The following SNTB1 variants were observed in gnomAD, a reference collection of about 807,000 sequenced individuals.
SNTB1 encodes beta-1-syntrophin.
In SNTB1, 36 loss-of-function variants were observed where a neutral mutation model predicts 48.9. The ratio of observed to expected loss-of-function variants is 0.74; its 90% CI spans 0.56 to 0.97. The LOEUF (loss-of-function observed/expected upper bound fraction) is 0.97. SNTB1 is among the 50% of genes least tolerant of loss of function. The probability of loss-of-function intolerance (pLI) is 0.00; values close to 1 mark genes in which losing one functional copy is unlikely to be tolerated. For missense variants in SNTB1, 786 were observed against 703.4 expected (o/e 1.12, Z -1.33); for synonymous variants, 299 against 294.6 (o/e 1.01, Z -0.15).
intron 1 of SNTB1, among the ~76,000 whole-genome samples, chr8:120,744,912 T>C (rs1158191271): frequency 6.6e-6 from 1 of 152,216 alleles, no homozygotes; most frequent in African/African-American, 2.4e-5. Flanking sequence ...TTCCACAGCT[T>C]TCTTTTATTA....
chr8:120,600,959 G>T (rs534081806), intron 3 of SNTB1, among the ~76,000 whole-genome samples: 4 of 152,170 alleles, frequency 2.6e-5, no homozygotes, highest in South Asian at 4.1e-4. Context: ...AGACTCTGAT[G>T]GGAAGGAAAA....
intron 2 of SNTB1, among the ~76,000 whole-genome samples, chr8:120,668,024 C>T (rs1434992243): frequency 6.6e-6 from 1 of 152,106 alleles, no homozygotes; most frequent in Non-Finnish European, 1.5e-5. Context: ...GTAGTCTCCT[C>T]ATACACATAC....
chr8:120,576,977 C>G (rs1451775236), intron 3 of SNTB1, among the ~76,000 whole-genome samples: 1 of 152,168 alleles, frequency 6.6e-6, no homozygotes, highest in African/African-American at 2.4e-5. Context: ...CTCAGTAAAA[C>G]ACAGGATGGG....
intron 3 of SNTB1, 75 bp downstream of exon 3, chr8:120,632,369 G>T: frequency 7.6e-7 from 1 of 1,319,566 alleles, no homozygotes. Context: ...TATGGGATGA[G>T]ATAGTTTTAG....
At chr8:120,611,706 C>T (rs1816626171) in intron 3 of SNTB1, among the ~76,000 whole-genome samples, 1 of 151,462 alleles carries the variant, frequency 6.6e-6, no homozygotes, top group Non-Finnish European at 1.5e-5. Flanking sequence ...CCTGTAGTCC[C>T]AGCTACTCGG....
intron 1 of SNTB1, among the ~76,000 whole-genome samples, chr8:120,702,708 A>C (rs1171375773): frequency 6.6e-6 from 1 of 152,204 alleles, no homozygotes; most frequent in Admixed American, 6.5e-5. Flanking sequence ...ATTTATATGC[A>C]ATTGTTTGCA....
intron 2 of SNTB1, among the ~76,000 whole-genome samples, chr8:120,653,469 C>A (rs374241714): frequency 1.1e-4 from 17 of 152,220 alleles, no homozygotes; most frequent in African/African-American, 3.4e-4. Context: ...AAGAAACCAA[C>A]CCTGCTGACA....
At chr8:120,647,815 G>T (rs1587060968) in intron 2 of SNTB1, among the ~76,000 whole-genome samples, 1 of 25,298 alleles carries the variant, frequency 4.0e-5, no homozygotes, top group African/African-American at 1.7e-4. Context: ...CTCTTTGTAG[G>T]TCACTCAGGA....
At chr8:120,580,985 A>G (rs1816038592) in intron 3 of SNTB1, among the ~76,000 whole-genome samples, 1 of 150,894 alleles carries the variant, frequency 6.6e-6, no homozygotes, top group African/African-American at 2.4e-5. Flanking sequence ...GCTACTTGAG[A>G]GGCTGAGGCC....
intron 1 of SNTB1, among the ~76,000 whole-genome samples, chr8:120,705,473 T>C (rs1242339186): frequency 1.3e-5 from 2 of 152,232 alleles, no homozygotes; most frequent in Admixed American, 6.5e-5. Context: ...AATACAGCCA[T>C]GATCAGTGAA....
At chr8:120,557,385 A>T (rs1397367036) in intron 4 of SNTB1, among the ~76,000 whole-genome samples, 1 of 152,226 alleles carries the variant, frequency 6.6e-6, no homozygotes, top group Admixed American at 6.5e-5. Flanking sequence ...TTGGAAGCCA[A>T]GATGAAGTAA....
At chr8:120,808,384 G>C (rs1306420015) in intron 1 of SNTB1, among the ~76,000 whole-genome samples, 2 of 152,096 alleles carry the variant, frequency 1.3e-5, no homozygotes, top group African/African-American at 2.4e-5. Flanking sequence ...TCTTTCTCCA[G>C]GTTCTGTTTA....
intron 1 of SNTB1, among the ~76,000 whole-genome samples, chr8:120,804,451 T>G (rs972369682): frequency 6.6e-6 from 1 of 152,156 alleles, no homozygotes; most frequent in Non-Finnish European, 1.5e-5. Flanking sequence ...AGCCATGCCT[T>G]ATACCGCTTT....
At chr8:120,757,974 G>A (rs558585233) in intron 1 of SNTB1, among the ~76,000 whole-genome samples, 4 of 152,236 alleles carry the variant, frequency 2.6e-5, no homozygotes, top group Non-Finnish European at 5.9e-5. Context: ...TAACAGCAGT[G>A]GTATTGGTGG....
intron 1 of SNTB1, among the ~76,000 whole-genome samples, chr8:120,734,848 C>G (rs1304597678): frequency 6.6e-6 from 1 of 152,166 alleles, no homozygotes; most frequent in African/African-American, 2.4e-5. Flanking sequence ...AGCCCTCCGG[C>G]TTAGAGATTT....
intron 3 of SNTB1, among the ~76,000 whole-genome samples, chr8:120,583,514 AACACACACACACACACACACAC>A (rs10524445): frequency 4.2e-5 from 6 of 143,158 alleles, no homozygotes; most frequent in East Asian, 2.1e-4. Context: ...TCCGTCTCAA[AACACACACACACACACACACAC>A]ACACACACAC....
At chr8:120,667,673 T>C (rs1817695990) in intron 2 of SNTB1, among the ~76,000 whole-genome samples, 1 of 152,200 alleles carries the variant, frequency 6.6e-6, no homozygotes, top group African/African-American at 2.4e-5. Flanking sequence ...AATTTTTTCA[T>C]AGGTGCCAAA....
intron 2 of SNTB1, among the ~76,000 whole-genome samples, chr8:120,651,365 C>T (rs1270128974): frequency 1.3e-5 from 2 of 152,212 alleles, no homozygotes; most frequent in Non-Finnish European, 2.9e-5. Context: ...AACCTGATAA[C>T]ATGTCACCCT....
intron 1 of SNTB1, among the ~76,000 whole-genome samples, chr8:120,788,931 A>G (rs1223396072): frequency 2.6e-5 from 4 of 152,078 alleles, no homozygotes; most frequent in African/African-American, 9.7e-5. Context: ...CAAGAACTTC[A>G]GAATACACAT....
Sources: gnomAD v4.1 joint callset for allele counts (sites outside exome capture counted in the v4.1 genomes callset) on GRCh38, gnomAD v4.1.1 for gene constraint, MANE v1.5 for transcripts, NCBI Gene and HGNC (gene_info 2026-07-23, HGNC 2026-07-21) for gene names.